Variants in NBAS observed in about 807,000 individuals in gnomAD.
The protein encoded by NBAS is NBAS subunit of NRZ tethering complex, also known as NAG/BC035112 fusion.
Under a neutral mutation model 302.5 loss-of-function variants are expected in NBAS, and 219 were observed. The ratio of observed to expected loss-of-function variants is 0.72; its 90% CI spans 0.65 to 0.81. The LOEUF is 0.81. Ranked by LOEUF, NBAS falls within the 30% of genes least tolerant of loss-of-function variation. NBAS has a pLI of 0.00. For synonymous variants in NBAS, 1,118 were observed against 1,021.6 expected (o/e 1.09, Z -1.80); for missense variants, 2,932 against 2,841.6 (o/e 1.03, Z -0.72).
intron 30 of NBAS, among the ~76,000 whole-genome samples, chr2:15,379,288 C>T (rs1233790387): frequency 6.6e-6 from 1 of 151,180 alleles, no homozygotes; most frequent in Admixed American, 6.6e-5. Context: ...GCATTACCTA[C>T]GCATGCTGAA....
chr2:14,924,676 T>C, the NBAS span, among the ~76,000 whole-genome samples: 4 of 152,176 alleles, frequency 2.6e-5, no homozygotes, highest in Non-Finnish European at 5.9e-5. Context: ...CAACCTCCTG[T>C]GAGCTTCAGT....
chr2:14,913,101 T>C, the NBAS span, among the ~76,000 whole-genome samples: 1 of 152,214 alleles, frequency 6.6e-6, no homozygotes, highest in African/African-American at 2.4e-5. Context: ...ACATCTGCAT[T>C]GGAACTTTAT....
At chr2:15,463,490 G>C (rs563228459) in intron 19 of NBAS, among the ~76,000 whole-genome samples, 12 of 152,122 alleles carry the variant, frequency 7.9e-5, no homozygotes, top group African/African-American at 2.9e-4. Flanking sequence ...CACCCTCACA[G>C]AGGCATCCAA....
At chr2:15,068,358 C>T in the NBAS span, among the ~76,000 whole-genome samples, 2 of 152,072 alleles carry the variant, frequency 1.3e-5, no homozygotes, top group Non-Finnish European at 2.9e-5. Context: ...AGGCATCCAA[C>T]GTAGGAAGGA....
chr2:15,124,640 G>C, the NBAS span, among the ~76,000 whole-genome samples: 2 of 152,216 alleles, frequency 1.3e-5, no homozygotes, highest in African/African-American at 4.8e-5. Context: ...CCCAGGGCCC[G>C]TTCTCCTGCT....
the NBAS span, among the ~76,000 whole-genome samples, chr2:14,838,601 G>A: frequency 1.3e-5 from 2 of 151,966 alleles, no homozygotes. Context: ...TGTCTTGTCT[G>A]TTGATGTATG....
At chr2:15,290,617 A>T (rs928950767) in intron 41 of NBAS, among the ~76,000 whole-genome samples, 1 of 152,206 alleles carries the variant, frequency 6.6e-6, no homozygotes, top group Non-Finnish European at 1.5e-5. Flanking sequence ...ACTGGACTTA[A>T]GAAACCCAAG....
At chr2:15,203,840 G>C (rs1665993945) in intron 48 of NBAS, among the ~76,000 whole-genome samples, 1 of 151,066 alleles carries the variant, frequency 6.6e-6, no homozygotes, top group East Asian at 1.9e-4. Flanking sequence ...TCATACTGAA[G>C]GTGGCATGTC....
the NBAS span, among the ~76,000 whole-genome samples, chr2:15,159,127 C>A: frequency 1.3e-5 from 2 of 152,278 alleles, no homozygotes; most frequent in African/African-American, 4.8e-5. Flanking sequence ...GCATCAGAAA[C>A]AAGTAGGGAG....
At chr2:14,911,204 GCTGTCACTCAACAACT>G in the NBAS span, among the ~76,000 whole-genome samples, 1 of 152,194 alleles carries the variant, frequency 6.6e-6, no homozygotes, top group Non-Finnish European at 1.5e-5. Flanking sequence ...ACTCAACTTA[GCTGTCACTCAACAACT>G]CTGAAGGAGC....
At position 15,238,499 on chromosome 2, in the gene NBAS, C is replaced by G. The variant is rs754178038; in HGVS notation, c.5912G>C (p.Ser1971Thr). Residue 1971 changes from serine to threonine, a missense_variant, in exon 45 of 52, where the codon AGC (serine) becomes ACC (threonine). Physicochemically the swap from Ser to Thr is moderately conservative, Grantham distance 58 (BLOSUM62 1). Coordinates refer to ENST00000281513, the MANE Select transcript of NBAS (RefSeq NM_015909.4). Reference protein sequence around the residue: ...SLAHLETLSHSFILSLKNSEQ... With the variant: ...SLAHLETLSHTFILSLKNSEQ... ...ACTATTCTTCAGAGAAAGGATGAAG[C>G]TGTGGCTCAGGGTTTCCAGGTGGGC... The G allele has an allele frequency of 1.9e-6, 3 of 1,614,076 alleles. No homozygotes were observed. The highest frequency in any genetic ancestry group is 1.7e-5 in the Admixed American group (1 of 60,006).
chr2:15,044,536 T>C, the NBAS span, among the ~76,000 whole-genome samples: 62 of 152,272 alleles, frequency 4.1e-4, no homozygotes, highest in African/African-American at 1.2e-3. Context: ...ACAAAACAAC[T>C]AGAATGTCAG....
chr2:15,536,479 GTGCACTTGCTTT>G lies in NBAS; in HGVS notation c.574_585del (p.Lys192_Ala195del), dbSNP rs1356766710. On this transcript the variant is annotated inframe_deletion, in exon 8 of 52. Transcript: ENST00000281513. ...ATGACCAGGAGTTCTGCAGACCACT[GTGCACTTGCTTT>G]ATATTCTAAAAATATCAACCCAGCA... 2 of 1,613,124 alleles carry G rather than the reference GTGCACTTGCTTT, an allele frequency of 1.2e-6. No homozygotes were observed.
chr2:15,256,226 C>T (rs1036784841), intron 44 of NBAS, among the ~76,000 whole-genome samples: 1 of 152,096 alleles, frequency 6.6e-6, no homozygotes, highest in East Asian at 1.9e-4. Context: ...TTTATGATTT[C>T]TTTCAGCCGT....
At chr2:15,309,329 T>C in intron 38 of NBAS, 82 bp from the exon 39 acceptor site, 2 of 1,208,628 alleles carry the variant, frequency 1.7e-6, no homozygotes, top group Non-Finnish European at 2.4e-6. Context: ...TTCAGCCCCA[T>C]AAGATTTCAA....
the NBAS span, among the ~76,000 whole-genome samples, chr2:15,151,401 G>GT: frequency 6.6e-6 from 1 of 152,196 alleles, no homozygotes. Flanking sequence ...GAATGCTCCT[G>GT]TGGCTTGGCA....
chr2:14,825,827 T>C, the NBAS span, among the ~76,000 whole-genome samples: 9 of 152,248 alleles, frequency 5.9e-5, no homozygotes, highest in Non-Finnish European at 1.0e-4. Context: ...AGGCAGGAAC[T>C]AGGCTGGGTG....
chr2:15,286,972 A>C, intron 42 of NBAS, 101 bp downstream of exon 42: 1 of 972,404 alleles, frequency 1.0e-6, no homozygotes, highest in Non-Finnish European at 1.6e-6. Context: ...TGTAGATTAA[A>C]GGAAAACTAA....
chr2:15,211,606 G>A (rs1048072214), intron 48 of NBAS, among the ~76,000 whole-genome samples: 3 of 151,562 alleles, frequency 2.0e-5, no homozygotes, highest in Non-Finnish European at 4.4e-5. Flanking sequence ...CGTTTTTCTC[G>A]CTTATCCGTA....
Sources: allele counts gnomAD v4.1 joint callset (sites outside exome capture counted in the v4.1 genomes callset), GRCh38; gene constraint gnomAD v4.1.1; transcripts MANE v1.5; gene names NCBI Gene and HGNC (gene_info 2026-07-23, HGNC 2026-07-21).